FUZ: variants seen among roughly 807,000 people sequenced by gnomAD.
FUZ encodes fuzzy planar cell polarity protein.
FUZ carries 31 observed loss-of-function variants against 43.1 expected under a neutral mutation model. That is an observed-to-expected ratio of 0.72 (90% CI 0.54 to 0.97). The LOEUF (loss-of-function observed/expected upper bound fraction) is 0.97. FUZ is among the 50% of genes least tolerant of loss of function. The pLI is 0.00. For missense variants in FUZ, 539 were observed against 543.8 expected (o/e 0.99, Z 0.09); for synonymous variants, 274 against 250.0 (o/e 1.10, Z -0.91).
chr19:49,812,732 G>A lies in FUZ; in HGVS notation c.116C>T (p.Pro39Leu). The stretch of plus-strand genomic sequence containing the variant: ...ATTGAGGGAACCGATGACAGAGAAC[G>A]GGAGCTAAGGAGGGGTTAGGGACAT... ...RGGAPARQQL[P>L]FSVIGSLNGV... The change falls in exon 2 of 11, where the codon CCG becomes CTG. Residue 39 changes from proline to leucine, a missense_variant. By Grantham distance (98) the Pro-to-Leu change is moderately conservative. Coordinates refer to ENST00000313777, the MANE Select transcript of FUZ (RefSeq NM_025129.5). The A allele has an allele frequency of 1.9e-6, 3 of 1,613,868 alleles. No homozygotes were observed. Among genetic ancestry groups the A allele is most frequent in the Non-Finnish European group, 2.5e-6 (3 of 1,180,010 alleles).
At chr19:49,812,022 C>A (rs1232239158) in intron 3 of FUZ, among the ~76,000 whole-genome samples, 2 of 152,154 alleles carry the variant, frequency 1.3e-5, no homozygotes, top group Non-Finnish European at 2.9e-5. Context: ...GCACGAGAAT[C>A]GCTTGAACCT....
rs2073875173 is a variant in FUZ, at chr19:49,813,192, G to T, written c.-86C>A. ...GGTAATCAGAGTAACTCGGCCTGTG[G>T]TCCGGAGCCGCCAGAGGGCGAGATG... On this transcript the variant is annotated 5_prime_UTR_variant, in exon 1 of 11. Transcript: ENST00000313777. The T allele has an allele frequency of 1.6e-6, 2 of 1,220,278 alleles. No individual in the cohort carries two copies. Among genetic ancestry groups the T allele is most frequent in the Non-Finnish European group, 2.4e-6 (2 of 846,568 alleles). The allele number at this position is 1,220,278 out of a possible 1,614,324, so 75.6% of individuals were successfully genotyped here.
Position 49,809,621 on chromosome 19 carries a change from G to A in FUZ, c.493-46C>T. ...GACTGGGAGTCAGCAGACAAGCGTA[G>A]GGGGTGGCAGCGACTTCCCAGATGG... On this transcript the variant is annotated intron_variant, in intron 5 of 10. Transcript: ENST00000313777. The surrounding 1 kb of genome is among the most constrained non-coding windows in gnomAD (Gnocchi z 5.1). 1 of 1,541,208 alleles carries A rather than the reference G, an allele frequency of 6.5e-7. No individual in the cohort carries two copies. The highest frequency in any genetic ancestry group is 8.7e-7 in the Non-Finnish European group (1 of 1,147,664).
intron 7 of FUZ, 99 bp from the exon 8 acceptor site, chr19:49,808,922 G>A (rs2073589445): frequency 2.0e-6 from 2 of 1,002,992 alleles, no homozygotes; most frequent in South Asian, 1.4e-5. Context: ...CAATCGGGAG[G>A]GGCGGGGCCT....
upstream of FUZ, chr19:49,813,488 C>T (rs2073885135): frequency 2.8e-6 from 1 of 362,752 alleles, no homozygotes; most frequent in South Asian, 2.4e-5. Context: ...TGATGATTTA[C>T]ATTCTAAACG....
chr19:49,811,924 A>G (rs1049369086), intron 3 of FUZ, among the ~76,000 whole-genome samples: 5 of 152,106 alleles, frequency 3.3e-5, no homozygotes, highest in Non-Finnish European at 7.4e-5. Context: ...CCTGGCCAAT[A>G]TGGTGAAACC....
rs2073837773 is a variant in FUZ at position 49,812,431 on chromosome 19, CCT to C, written c.234-98_234-97del. ...ATTGATCCTAGAACACCAGATACAT[CCT>C]CTCTCAGACCAACCTGCCTTTCTTA... is the stretch of plus-strand genomic sequence containing the variant. On this transcript the variant is annotated intron_variant, in intron 2 of 10. Coordinates refer to ENST00000313777, the MANE Select transcript of FUZ (RefSeq NM_025129.5). 5 of 1,324,402 alleles carry C rather than the reference CCT, an allele frequency of 3.8e-6. No homozygotes were observed. In the South Asian group the frequency reaches 6.0e-5, roughly 16 times the overall value. 82.0% of individuals were successfully genotyped at this position (1,324,402 alleles called of 1,614,324 possible). A position where few individuals can be genotyped will look rare whatever the true frequency, so the allele number is the denominator to read the frequency against.
chr19:49,808,332 C>T (rs2073514413), intron 10 of FUZ, 82 bp downstream of exon 10: 1 of 1,431,416 alleles, frequency 7.0e-7, no homozygotes, highest in Non-Finnish European at 9.6e-7. Context: ...GATCCTCCAA[C>T]CCCACCTCCT....
At chr19:49,807,837 G>A (rs2073477966) in intron 10 of FUZ, among the ~76,000 whole-genome samples, 1 of 152,180 alleles carries the variant, frequency 6.6e-6, no homozygotes, top group South Asian at 2.1e-4. Flanking sequence ...GGCTTCACTG[G>A]GGTCACAGCG....
intron 5 of FUZ, among the ~76,000 whole-genome samples, chr19:49,810,525 T>C (rs1026091338): frequency 6.6e-6 from 1 of 151,424 alleles, no homozygotes; most frequent in African/African-American, 2.4e-5. Flanking sequence ...ATACAAAAAA[T>C]TAGCTGGGCC....
chr19:49,812,458 A>G (rs2073839239), intron 2 of FUZ, 123 bp from the exon 3 acceptor site: 1 of 1,320,882 alleles, frequency 7.6e-7, no homozygotes, highest in Non-Finnish European at 1.1e-6. Flanking sequence ...TGCCTTTCTT[A>G]TAGAGAACAT....
At chr19:49,811,279 G>T in intron 5 of FUZ, 84 bp downstream of exon 5, 1 of 922,288 alleles carries the variant, frequency 1.1e-6, no homozygotes, top group Non-Finnish European at 1.7e-6. Context: ...GAGGAGGTTG[G>T]GACAATGGTC....
chr19:49,808,707 C>G lies in FUZ; in HGVS notation c.893+10G>C, dbSNP rs776229517. On this transcript the variant is annotated intron_variant, in intron 8 of 10. Coordinates refer to ENST00000313777, the MANE Select transcript of FUZ (RefSeq NM_025129.5). ...TGACCCCCGACCCACTCCCTCCATC[C>G]GAGCCCTACCCGAGGATGTCTGTGT... The G allele has an allele frequency of 1.3e-6, 2 of 1,596,982 alleles. No homozygotes were observed. The highest frequency in any genetic ancestry group is 1.7e-6 in the Non-Finnish European group (2 of 1,171,834).
chr19:49,808,546 C>G (rs774523511), intron 9 of FUZ, 28 bp downstream of exon 9: 1 of 1,594,298 alleles, frequency 6.3e-7, no homozygotes, highest in Non-Finnish European at 8.5e-7. Context: ...CCCCTCCTAC[C>G]CCTGCCCCTG....
Position 49,809,390 on chromosome 19 carries a change from G to C in FUZ, c.678C>G (p.His226Gln), listed in dbSNP as rs752722303. ...TARDYPVYLP[H>Q]GSPTVPHRLL... ...GCCACCCACTCACCGTGGGGCTCCC[G>C]TGCGGCAGGTACACCGGGTAGTCGC... The change falls in exon 6 of 11, where the codon CAC becomes CAG. Residue 226 changes from histidine to glutamine, a missense_variant. Transcript: ENST00000313777. This position sits in a 1 kb window ranked among gnomAD's most constrained non-coding sequence, Gnocchi z 5.1. The C allele has an allele frequency of 6.5e-7, 1 of 1,544,066 alleles. No individual in the cohort carries two copies. Among genetic ancestry groups the C allele is most frequent in the Non-Finnish European group, 8.7e-7 (1 of 1,146,774 alleles).
Position 49,806,939 on chromosome 19 carries a change from T to G in FUZ, c.*212A>C. 1.3e-6 allele frequency: 2 copies of G among 1,534,330 alleles called. No homozygotes were observed. Among genetic ancestry groups the G allele is most frequent in the Non-Finnish European group, 1.7e-6 (2 of 1,146,756 alleles). On this transcript the variant is annotated 3_prime_UTR_variant, in exon 11 of 11. Transcript: ENST00000313777. ...TGTTCATCTGCTGCTGTTTACATTCTGGGGGGTTAGGGGGAGTCCCCCTCC... is the reference window on the plus strand; with the variant it reads ...TGTTCATCTGCTGCTGTTTACATTCGGGGGGGTTAGGGGGAGTCCCCCTCC...
intron 10 of FUZ, 118 bp downstream of exon 10, chr19:49,808,295 TG>T: frequency 9.9e-7 from 1 of 1,006,046 alleles, no homozygotes; most frequent in Non-Finnish European, 1.5e-6. Context: ...CACTGCCCTA[TG>T]GCCCAGTGCA....
At position 49,806,969 on chromosome 19, in the gene FUZ, CT is replaced by C. The variant is rs1394570859; in HGVS notation, c.*181del. On this transcript the variant is annotated 3_prime_UTR_variant, in exon 11 of 11. Transcript: ENST00000313777. ...GGTTAGGGGGAGTCCCCCTCCCTCC[CT>C]TTCCCCCCCAAGCACAGAGGGGAGA... The C allele has an allele frequency of 2.0e-5, 31 of 1,532,924 alleles. No individual in the cohort carries two copies. In the Admixed American group the frequency reaches 2.6e-4, roughly 13 times the overall value. 95.0% of individuals were successfully genotyped at this position (1,532,924 alleles called of 1,614,324 possible). A position where few individuals can be genotyped will look rare whatever the true frequency, so the allele number is the denominator to read the frequency against.
chr19:49,811,149 C>T (rs1443065857), intron 5 of FUZ: 1 of 620,274 alleles, frequency 1.6e-6, no homozygotes, highest in East Asian at 3.0e-5. Flanking sequence ...GAAACTACGT[C>T]TCAAATAAAA....
Sources: allele counts gnomAD v4.1 joint callset (sites outside exome capture counted in the v4.1 genomes callset), GRCh38; gene constraint gnomAD v4.1.1; non-coding constraint Gnocchi (gnomAD v3.1); transcripts MANE v1.5; gene names NCBI Gene and HGNC (gene_info 2026-07-23, HGNC 2026-07-21).